NFIB: variants seen among roughly 807,000 people sequenced by gnomAD.
NFIB encodes nuclear factor 1 B-type.
Under a neutral mutation model 61.5 loss-of-function variants are expected in NFIB, and 11 were observed. The ratio of observed to expected loss-of-function variants is 0.18; its 90% CI spans 0.11 to 0.30. NFIB has a LOEUF of 0.30. NFIB is among the 10% of genes least tolerant of loss of function. The pLI, the probability that NFIB is intolerant of heterozygous loss-of-function variation, is 1.00. For missense variants in NFIB, 471 were observed against 608.9 expected (o/e 0.77, Z 2.38); for synonymous variants, 260 against 216.5 (o/e 1.20, Z -1.76).
the NFIB span, among the ~76,000 whole-genome samples, chr9:14,413,263 G>T: frequency 6.6e-6 from 1 of 152,084 alleles, no homozygotes; most frequent in Non-Finnish European, 1.5e-5. Flanking sequence ...GCACCATTTT[G>T]GGGAACAGTA....
At position 14,086,668 on chromosome 9, in the gene NFIB, C is replaced by T. The variant is rs1587038886; in HGVS notation, c.*1641G>A. On this transcript the variant is annotated 3_prime_UTR_variant, in exon 11 of 11. Transcript: ENST00000380953. Reference sequence around the variant, plus strand: ...TGTCTAAAAAATCCATGATGTCACACATTTTTCTTCGTCTGGAGTACAAAA... The same window carrying T: ...TGTCTAAAAAATCCATGATGTCACATATTTTTCTTCGTCTGGAGTACAAAA... 1 of 215,364 alleles carries T rather than the reference C, an allele frequency of 4.6e-6. No individual in the cohort carries two copies. The highest frequency in any genetic ancestry group is 9.4e-6 in the Non-Finnish European group (1 of 106,614). 13.3% of individuals were successfully genotyped at this position (215,364 alleles called of 1,614,324 possible).
At chr9:14,468,971 G>A in the NFIB span, among the ~76,000 whole-genome samples, 1 of 152,122 alleles carries the variant, frequency 6.6e-6, no homozygotes, top group Admixed American at 6.5e-5. Flanking sequence ...TCCTAACCGT[G>A]TGCTCCACAC....
chr9:14,123,575 G>C (rs568381097), intron 7 of NFIB, among the ~76,000 whole-genome samples: 2 of 152,290 alleles, frequency 1.3e-5, no homozygotes, highest in African/African-American at 4.8e-5. Flanking sequence ...CCGAGTCCTG[G>C]ATCACTTCTT....
At chr9:14,401,168 A>G (rs1288789344), upstream of NFIB, among the ~76,000 whole-genome samples, 1 of 152,230 alleles carries the variant, frequency 6.6e-6, no homozygotes, top group Admixed American at 6.5e-5. Flanking sequence ...AACTACTTGA[A>G]AAGGCTCATT....
chr9:14,309,909 T>C (rs2060203743), intron 1 of NFIB, among the ~76,000 whole-genome samples: 1 of 152,240 alleles, frequency 6.6e-6, no homozygotes. Flanking sequence ...GGGTGGGCTC[T>C]GTCTCACTCA....
At chr9:14,477,358 T>C in the NFIB span, among the ~76,000 whole-genome samples, 4 of 152,242 alleles carry the variant, frequency 2.6e-5, no homozygotes, top group African/African-American at 9.6e-5. Context: ...ATTCCAAATC[T>C]TTTTCTGGGT....
chr9:14,487,434 G>A, the NFIB span, among the ~76,000 whole-genome samples: 1 of 152,174 alleles, frequency 6.6e-6, no homozygotes, highest in South Asian at 2.1e-4. Context: ...TAGAATTTAA[G>A]GTCTTTTGGG....
the NFIB span, among the ~76,000 whole-genome samples, chr9:14,431,429 T>G: frequency 6.6e-6 from 1 of 152,188 alleles, no homozygotes; most frequent in African/African-American, 2.4e-5. Context: ...CTAGAGAGTC[T>G]ATCAATGGAG....
chr9:14,460,696 T>C, the NFIB span, among the ~76,000 whole-genome samples: 1 of 152,188 alleles, frequency 6.6e-6, no homozygotes, highest in East Asian at 1.9e-4. Context: ...AGTATGCAGA[T>C]AATCCATTTC....
At chr9:14,452,412 G>GAAGT in the NFIB span, among the ~76,000 whole-genome samples, 2 of 137,578 alleles carry the variant, frequency 1.5e-5, no homozygotes, top group Admixed American at 1.5e-4. Flanking sequence ...GAGGGAGATG[G>GAAGT]AAGGAAGGAA....
At chr9:14,257,915 T>G (rs1403078354) in intron 2 of NFIB, among the ~76,000 whole-genome samples, 1 of 152,134 alleles carries the variant, frequency 6.6e-6, no homozygotes, top group Non-Finnish European at 1.5e-5. Flanking sequence ...ACGGACAAGG[T>G]TTTCTTAAAG....
At chr9:14,386,435 C>T (rs1185750121) in intron 1 of NFIB, among the ~76,000 whole-genome samples, 1 of 152,208 alleles carries the variant, frequency 6.6e-6, no homozygotes, top group African/African-American at 2.4e-5. Flanking sequence ...GACTCCAGGT[C>T]CTCAGGTGAG....
At chr9:14,170,159 T>C (rs1215936414) in intron 3 of NFIB, among the ~76,000 whole-genome samples, 1 of 152,204 alleles carries the variant, frequency 6.6e-6, no homozygotes, top group African/African-American at 2.4e-5. Flanking sequence ...CAAAGTTCAG[T>C]GATTTTAACA....
At chr9:14,320,961 G>C (rs1214637960) in intron 1 of NFIB, among the ~76,000 whole-genome samples, 1 of 152,060 alleles carries the variant, frequency 6.6e-6, no homozygotes, top group African/African-American at 2.4e-5. Context: ...AATACTTAGA[G>C]ATCTTGTCTG....
intron 2 of NFIB, among the ~76,000 whole-genome samples, chr9:14,245,963 T>G (rs1021567876): frequency 2.0e-5 from 3 of 151,554 alleles, no homozygotes; most frequent in Admixed American, 6.6e-5. Context: ...CAGAAATGAG[T>G]TTACTGTAAA....
chr9:14,531,747 C>A, the NFIB span, among the ~76,000 whole-genome samples: 1 of 151,908 alleles, frequency 6.6e-6, no homozygotes, highest in African/African-American at 2.4e-5. Context: ...AGGCCTATGC[C>A]CCCGGCCACA....
Position 14,084,927 on chromosome 9 carries a change from CCA to C in NFIB, c.*3380_*3381del, listed in dbSNP as rs1425206971. On this transcript the variant is annotated 3_prime_UTR_variant, in exon 11 of 11. Coordinates refer to ENST00000380953, the MANE Select transcript of NFIB (RefSeq NM_001190737.2). ...GTATTCAAGAGGCAGGCAGGAATAC[CCA>C]CAGTGTGTAACTTGGTTAGCTAGAA... is the stretch of plus-strand genomic sequence containing the variant. 5 of 230,374 alleles carry C rather than the reference CCA, an allele frequency of 2.2e-5. No individual in the cohort carries two copies. Among genetic ancestry groups the C allele is most frequent in the East Asian group, 6.2e-5 (1 of 16,196 alleles). The allele number at this position is 230,374 out of a possible 1,614,324, so 14.3% of individuals were successfully genotyped here.
chr9:14,157,710 T>G (rs879866665), intron 3 of NFIB, among the ~76,000 whole-genome samples: 2 of 152,172 alleles, frequency 1.3e-5, no homozygotes, highest in Non-Finnish European at 2.9e-5. Context: ...TCTTGCCTGG[T>G]CGGGGAAAGA....
chr9:14,120,885 T>C lies in NFIB; in HGVS notation c.1061-261A>G, dbSNP rs1043487262. ...GCTCTGTGAGTGGTTACAAAATCAGTTTCTCTTTTATAGGTTATGTCAATA... is the reference window on the plus strand; with the variant it reads ...GCTCTGTGAGTGGTTACAAAATCAGCTTCTCTTTTATAGGTTATGTCAATA... On this transcript the variant is annotated intron_variant, in intron 7 of 10. Coordinates refer to ENST00000380953, the MANE Select transcript of NFIB (RefSeq NM_001190737.2). This position sits in a 1 kb window ranked among gnomAD's most constrained non-coding sequence, Gnocchi z 4.4. Among the ~76,000 whole-genome samples the C allele has an allele frequency of 1.3e-5, 2 of 152,170 alleles. No individual in the cohort carries two copies. The highest frequency in any genetic ancestry group is 4.8e-5 in the African/African-American group (2 of 41,438).
Sources: gnomAD v4.1 joint callset for allele counts (sites outside exome capture counted in the v4.1 genomes callset) on GRCh38, gnomAD v4.1.1 for gene constraint, Gnocchi (gnomAD v3.1) non-coding constraint, MANE v1.5 for transcripts, NCBI Gene and HGNC (gene_info 2026-07-23, HGNC 2026-07-21) for gene names.